The following LRRTM4 variants were observed in gnomAD, a reference collection of about 807,000 sequenced individuals.
LRRTM4 encodes the protein leucine rich repeat transmembrane neuronal 4.
LRRTM4 carries 25 observed loss-of-function variants against 47.6 expected under a neutral mutation model. That is an observed-to-expected ratio of 0.53 (90% CI 0.38 to 0.73). LRRTM4 has a LOEUF of 0.73. Among genes scored for constraint, LRRTM4 ranks in the 30% least tolerant of loss-of-function variants. The probability of loss-of-function intolerance (pLI) is 0.00; values close to 1 mark genes in which losing one functional copy is unlikely to be tolerated. For synonymous variants in LRRTM4, 311 were observed against 269.5 expected (o/e 1.15, Z -1.51); for missense variants, 638 against 713.4 (o/e 0.89, Z 1.20).
chr2:76,891,334 A>C (rs1401072854), intron 3 of LRRTM4, among the ~76,000 whole-genome samples: 1 of 151,880 alleles, frequency 6.6e-6, no homozygotes, highest in African/African-American at 2.4e-5. Context: ...TGCTGGTCTG[A>C]AATAATATAG....
At chr2:76,844,285 C>T (rs899751641) in intron 3 of LRRTM4, among the ~76,000 whole-genome samples, 6 of 151,902 alleles carry the variant, frequency 3.9e-5, no homozygotes, top group Non-Finnish European at 8.8e-5. Context: ...CAGACGCATG[C>T]CACCACGCCC....
At chr2:76,854,265 G>A (rs561746685) in intron 3 of LRRTM4, among the ~76,000 whole-genome samples, 87 of 152,040 alleles carry the variant, frequency 5.7e-4, no homozygotes, top group Admixed American at 1.4e-3. Context: ...GCAAATGAGG[G>A]GTTAGTATTA....
chr2:76,818,034 G>C (rs1057335751), intron 3 of LRRTM4, among the ~76,000 whole-genome samples: 2 of 151,944 alleles, frequency 1.3e-5, no homozygotes, highest in African/African-American at 4.8e-5. Flanking sequence ...AAAAAGTAAA[G>C]AGGATACAGA....
At chr2:77,010,782 A>G (rs1413162788) in intron 3 of LRRTM4, among the ~76,000 whole-genome samples, 6 of 152,168 alleles carry the variant, frequency 3.9e-5, no homozygotes, top group Non-Finnish European at 7.4e-5. Flanking sequence ...TAAATGAATA[A>G]ATAAATAATG....
chr2:76,850,549 G>A (rs1671962651), intron 3 of LRRTM4, among the ~76,000 whole-genome samples: 1 of 152,168 alleles, frequency 6.6e-6, no homozygotes, highest in South Asian at 2.1e-4. Flanking sequence ...TAAATGATAT[G>A]TTTAAGCAAG....
intron 3 of LRRTM4, among the ~76,000 whole-genome samples, chr2:77,226,071 T>C (rs1420072863): frequency 6.6e-6 from 1 of 151,712 alleles, no homozygotes; most frequent in African/African-American, 2.4e-5. Context: ...TAATTATTAT[T>C]GTTTTAAAGT....
intron 3 of LRRTM4, among the ~76,000 whole-genome samples, chr2:76,838,703 GT>G (rs1189513485): frequency 6.6e-6 from 1 of 151,962 alleles, no homozygotes; most frequent in Non-Finnish European, 1.5e-5. Flanking sequence ...CCAGAAACAT[GT>G]AAAAATGCAT....
At chr2:77,280,307 C>T (rs900844936) in intron 3 of LRRTM4, among the ~76,000 whole-genome samples, 1 of 151,938 alleles carries the variant, frequency 6.6e-6, no homozygotes, top group Admixed American at 6.6e-5. Context: ...TTACTCACAA[C>T]TTGATTTTAG....
intron 3 of LRRTM4, among the ~76,000 whole-genome samples, chr2:77,382,060 T>C (rs1673075485): frequency 1.3e-5 from 2 of 152,076 alleles, no homozygotes; most frequent in Admixed American, 6.6e-5. Flanking sequence ...TGAGAATGTT[T>C]GCATGAGGAG....
At chr2:76,881,430 A>T (rs1672925465) in intron 3 of LRRTM4, among the ~76,000 whole-genome samples, 1 of 151,334 alleles carries the variant, frequency 6.6e-6, no homozygotes, top group Non-Finnish European at 1.5e-5. Flanking sequence ...CTATTACCTA[A>T]GAATAAGACT....
chr2:76,875,968 G>A (rs1160792961), intron 3 of LRRTM4, among the ~76,000 whole-genome samples: 6 of 152,058 alleles, frequency 3.9e-5, no homozygotes, highest in Admixed American at 3.9e-4. Flanking sequence ...TTACTGACTT[G>A]GGATACCAGT....
At chr2:76,953,893 C>T (rs1045004274) in intron 3 of LRRTM4, among the ~76,000 whole-genome samples, 1 of 151,860 alleles carries the variant, frequency 6.6e-6, no homozygotes. Flanking sequence ...AGGTCAGTAG[C>T]TTATGACAGT....
intron 3 of LRRTM4, among the ~76,000 whole-genome samples, chr2:77,094,671 C>G (rs184545322): frequency 5.3e-5 from 8 of 152,242 alleles, no homozygotes; most frequent in Admixed American, 5.2e-4. Flanking sequence ...CTCCCAAACA[C>G]ACATTGGGTC....
intron 3 of LRRTM4, among the ~76,000 whole-genome samples, chr2:76,857,463 C>T (rs1028352669): frequency 1.3e-5 from 2 of 151,730 alleles, no homozygotes; most frequent in East Asian, 3.9e-4. Context: ...AGAATAGGCT[C>T]TTAGTAGTTA....
intron 3 of LRRTM4, among the ~76,000 whole-genome samples, chr2:77,287,119 G>A (rs141430934): frequency 6.6e-6 from 1 of 152,136 alleles, no homozygotes; most frequent in East Asian, 1.9e-4. Context: ...CACTGGGTGT[G>A]GAAATGTGGG....
chr2:77,399,848 A>G (rs1673870787), intron 3 of LRRTM4, among the ~76,000 whole-genome samples: 1 of 151,904 alleles, frequency 6.6e-6, no homozygotes, highest in African/African-American at 2.4e-5. Context: ...TGAAATTGGG[A>G]AATCTTTTTG....
At chr2:77,517,716 G>T in intron 3 of LRRTM4, 1 of 974,712 alleles carries the variant, frequency 1.0e-6, no homozygotes, top group Non-Finnish European at 1.2e-6. Flanking sequence ...AAAGAAAGAA[G>T]CCTTAGGAGC....
At position 77,184,119 on chromosome 2, in the gene LRRTM4, A is replaced by T. The variant is rs569905429; in HGVS notation, c.1551+334199T>A. Among the ~76,000 whole-genome samples, 165 of 152,264 alleles carry T rather than the reference A, an allele frequency of 1.1e-3. 1 individual carries two copies. Among genetic ancestry groups the T allele is most frequent in the African/African-American group, 3.8e-3 (157 of 41,572 alleles). ...AATAATAAAAGTACATGTAGAAAAA[A>T]TAATCAGAATATATCTAGTAAAGTT... On this transcript the variant is annotated intron_variant, in intron 3 of 3. Coordinates refer to ENST00000409884, the MANE Select transcript of LRRTM4 (RefSeq NM_001134745.3).
At chr2:76,914,028 A>G (rs2103788316) in intron 3 of LRRTM4, among the ~76,000 whole-genome samples, 1 of 151,772 alleles carries the variant, frequency 6.6e-6, no homozygotes, top group African/African-American at 2.4e-5. Context: ...ATTTAAAAGT[A>G]TAATTATATA....
Sources: gnomAD v4.1 joint callset for allele counts (sites outside exome capture counted in the v4.1 genomes callset) on GRCh38, gnomAD v4.1.1 for gene constraint, MANE v1.5 for transcripts, NCBI Gene and HGNC (gene_info 2026-07-23, HGNC 2026-07-21) for gene names.